The following BBS9 variants were observed in gnomAD, a reference collection of about 807,000 sequenced individuals.
The protein encoded by BBS9 is Bardet-Biedl syndrome 9, also known as protein PTHB1.
A neutral mutation model predicts 117.7 loss-of-function variants in BBS9; 89 were observed. The observed-to-expected ratio is 0.76, with a 90% CI of 0.64 to 0.90. BBS9 has a LOEUF of 0.90. Among genes scored for constraint, BBS9 ranks in the 40% least tolerant of loss-of-function variants. BBS9 has a pLI of 0.00. For missense variants in BBS9, 982 were observed against 1,042.2 expected (o/e 0.94, Z 0.80); for synonymous variants, 379 against 370.9 (o/e 1.02, Z -0.25).
At chr7:33,533,517 C>T (rs1249544400) in intron 20 of BBS9, among the ~76,000 whole-genome samples, 2 of 152,180 alleles carry the variant, frequency 1.3e-5, no homozygotes, top group African/African-American at 2.4e-5. Context: ...ATCCAAAGGT[C>T]CTCCTTCTCC....
At chr7:33,390,582 A>C in intron 19 of BBS9, 2 of 968,326 alleles carry the variant, frequency 2.1e-6, no homozygotes, top group African/African-American at 1.8e-5. Flanking sequence ...ATATATTTGT[A>C]ATAAATGAGG....
In BBS9 at chr7:33,351,251, G is replaced by C; in HGVS notation, c.1465G>C (p.Val489Leu). Reference sequence around the variant, plus strand: ...TTTGACTAGAACAGTAAGCTTTTCTGTTTATCTGAAAAGAAGTTATACACC... The same window carrying C: ...TTTGACTAGAACAGTAAGCTTTTCTCTTTATCTGAAAAGAAGTTATACACC... ...PDLTRTVSFS[V>L]YLKRSYTPSE... The change falls in exon 14 of 23, where the codon GTT (valine) becomes CTT (leucine). Residue 489 changes from valine (V) to leucine (L), a missense_variant. By Grantham distance (32) the Val-to-Leu change is conservative. Transcript: ENST00000242067. 6.2e-7 allele frequency: 1 copy of C among 1,612,776 alleles called. No individual in the cohort carries two copies. The highest frequency in any genetic ancestry group is 8.5e-7 in the Non-Finnish European group (1 of 1,178,988).
chr7:33,534,310 C>T (rs1409154434), intron 21 of BBS9, 134 bp downstream of exon 21: 3 of 915,204 alleles, frequency 3.3e-6, no homozygotes, highest in Admixed American at 2.0e-5. Context: ...TCACGTTTCC[C>T]CTCTGACATC....
chr7:33,239,121 A>T (rs2128279606), intron 5 of BBS9, among the ~76,000 whole-genome samples: 1 of 152,286 alleles, frequency 6.6e-6, no homozygotes, highest in East Asian at 1.9e-4. Context: ...TGCCAATACC[A>T]GGTAGTATCA....
chr7:33,188,859 G>A (rs1008189611), intron 5 of BBS9, among the ~76,000 whole-genome samples: 1 of 152,128 alleles, frequency 6.6e-6, no homozygotes, highest in East Asian at 1.9e-4. Flanking sequence ...GGGCATGAAG[G>A]TAGGTGCAAT....
intron 9 of BBS9, among the ~76,000 whole-genome samples, chr7:33,331,195 A>G (rs952280383): frequency 3.3e-5 from 5 of 152,196 alleles, no homozygotes; most frequent in Non-Finnish European, 7.3e-5. Context: ...TAGACACAGA[A>G]AAAGCATTTT....
chr7:33,367,652 G>A (rs1822034086), intron 16 of BBS9, 115 bp from the exon 17 acceptor site: 2 of 813,216 alleles, frequency 2.5e-6, no homozygotes, highest in African/African-American at 3.3e-5. Flanking sequence ...CACACATGGA[G>A]TTTATACATG....
chr7:33,280,872 C>G (rs10269398), intron 9 of BBS9, among the ~76,000 whole-genome samples: 5 of 39,140 alleles, frequency 1.3e-4, no homozygotes, highest in Middle Eastern at 0.023. Flanking sequence ...GTGACATTTT[C>G]TTTTTTGGTT....
intron 21 of BBS9, among the ~76,000 whole-genome samples, chr7:33,563,249 A>T (rs1856359882): frequency 6.6e-6 from 1 of 152,190 alleles, no homozygotes; most frequent in Non-Finnish European, 1.5e-5. Context: ...TTATGTTCCC[A>T]GTTTTAAGAC....
intron 21 of BBS9, among the ~76,000 whole-genome samples, chr7:33,570,225 A>T (rs1046563926): frequency 1.3e-4 from 20 of 152,176 alleles, no homozygotes; most frequent in Non-Finnish European, 2.8e-4. Context: ...TCCAGGGCAG[A>T]CTCAAGAAAA....
chr7:33,343,034 A>G (rs1283456578), intron 11 of BBS9, among the ~76,000 whole-genome samples: 1 of 152,192 alleles, frequency 6.6e-6, no homozygotes, highest in Non-Finnish European at 1.5e-5. Context: ...AAGCAAGATC[A>G]TAGTTTAAAT....
At chr7:33,473,922 A>T (rs912234228) in intron 19 of BBS9, among the ~76,000 whole-genome samples, 1 of 152,160 alleles carries the variant, frequency 6.6e-6, no homozygotes, top group Admixed American at 6.5e-5. Context: ...GGTTCATTTT[A>T]TATTATGATG....
intron 15 of BBS9, among the ~76,000 whole-genome samples, chr7:33,353,162 G>C (rs1818984069): frequency 6.6e-6 from 1 of 152,100 alleles, no homozygotes. Flanking sequence ...ACTTATTACT[G>C]CAAGTCATTG....
intron 16 of BBS9, among the ~76,000 whole-genome samples, chr7:33,367,004 T>C (rs7790483): frequency 0.14 from 21,914 of 152,160 alleles, 1,972 homozygotes; most frequent in African/African-American, 0.26. Flanking sequence ...TTTTTGTGTG[T>C]GATGGTAACA....
intron 21 of BBS9, among the ~76,000 whole-genome samples, chr7:33,587,696 A>T (rs1425933274): frequency 6.6e-6 from 1 of 152,106 alleles, no homozygotes; most frequent in Non-Finnish European, 1.5e-5. Context: ...TTGCCAAAAA[A>T]ATATAAGATA....
intron 21 of BBS9, among the ~76,000 whole-genome samples, chr7:33,589,301 T>C (rs768210209): frequency 6.6e-6 from 1 of 152,148 alleles, no homozygotes; most frequent in Non-Finnish European, 1.5e-5. Context: ...TTACGTCCCA[T>C]GCAGGATGGA....
chr7:33,231,179 T>TC (rs78417019), intron 5 of BBS9, among the ~76,000 whole-genome samples: 68 of 103,804 alleles, frequency 6.6e-4, no homozygotes, highest in Non-Finnish European at 1.3e-3. Flanking sequence ...TCTGTCACCC[T>TC]TTTTTTTTGA....
intron 5 of BBS9, among the ~76,000 whole-genome samples, chr7:33,179,519 G>T (rs1003803259): frequency 2.0e-5 from 3 of 151,996 alleles, no homozygotes; most frequent in African/African-American, 7.2e-5. Flanking sequence ...AGGGATCTAG[G>T]TTGTGTGCTC....
chr7:33,352,857 A>G lies in BBS9; in HGVS notation c.1538-2A>G. ...CATTTTTGCATTGCCTGTGATGGAC[A>G]GATCGAAATCCTGATGGTAAGTGTA... On this transcript the variant is annotated splice_acceptor_variant, in intron 14 of 22. Coordinates refer to ENST00000242067, the MANE Select transcript of BBS9 (RefSeq NM_198428.3). LOFTEE classifies it high-confidence loss of function. The G allele has an allele frequency of 6.2e-7, 1 of 1,612,764 alleles. No individual in the cohort carries two copies. Among genetic ancestry groups the G allele is most frequent in the Non-Finnish European group, 8.5e-7 (1 of 1,178,896 alleles).
Sources: gnomAD v4.1 joint callset for allele counts (sites outside exome capture counted in the v4.1 genomes callset) on GRCh38, gnomAD v4.1.1 for gene constraint, MANE v1.5 for transcripts, NCBI Gene and HGNC (gene_info 2026-07-23, HGNC 2026-07-21) for gene names.